ENOX2: variants seen among roughly 807,000 people sequenced by gnomAD.
ENOX2 encodes ecto-NOX disulfide-thiol exchanger 2.
In ENOX2, 36 loss-of-function variants were observed where a neutral mutation model predicts 45.0. That is an observed-to-expected ratio of 0.80 (90% CI 0.61 to 1.06). ENOX2 has a LOEUF of 1.06. Among genes scored for constraint, ENOX2 ranks in the 50% least tolerant of loss-of-function variants. The probability of loss-of-function intolerance (pLI) is 0.00; values close to 1 mark genes in which losing one functional copy is unlikely to be tolerated. For synonymous variants in ENOX2, 174 were observed against 152.3 expected, an observed-to-expected ratio of 1.14 and a Z score of -1.05; for missense variants, 423 against 462.5, an observed-to-expected ratio of 0.91 and a Z score of 0.78.
At chrX:130,791,577 A>C (rs1324418319) in intron 2 of ENOX2, among the ~76,000 whole-genome samples, 2 of 112,001 alleles carry the variant, frequency 1.8e-5, no homozygotes, top group East Asian at 5.6e-4. Flanking sequence ...TTGACTTATG[A>C]TATTTTCAAT....
chrX:130,639,923 A>T (rs961745315), intron 10 of ENOX2, among the ~76,000 whole-genome samples: 2 of 112,090 alleles, frequency 1.8e-5, no homozygotes, highest in Non-Finnish European at 3.8e-5. Context: ...GCTATAACCA[A>T]ATACCACAAA....
chrX:130,696,887 G>T (rs894812049), intron 4 of ENOX2, among the ~76,000 whole-genome samples: 4 of 111,212 alleles, frequency 3.6e-5, no homozygotes, highest in Non-Finnish European at 5.7e-5. Flanking sequence ...TTGTCACAGG[G>T]GCAGCTCAAC....
chrX:130,826,372 C>T (rs1443047378), intron 2 of ENOX2, among the ~76,000 whole-genome samples: 1 of 111,484 alleles, frequency 9.0e-6, no homozygotes, highest in Admixed American at 9.6e-5. Flanking sequence ...ACATTATAGT[C>T]GTTCACCATA....
intron 2 of ENOX2, among the ~76,000 whole-genome samples, chrX:130,875,366 G>A (rs1342760245): frequency 1.8e-5 from 2 of 110,298 alleles, no homozygotes; most frequent in Non-Finnish European, 3.8e-5. Flanking sequence ...GAGCAAAGTT[G>A]GAGGACTCTC....
chrX:130,655,519 C>T (rs767714765), intron 10 of ENOX2, among the ~76,000 whole-genome samples: 5 of 112,138 alleles, frequency 4.5e-5, no homozygotes, highest in South Asian at 3.7e-4. Flanking sequence ...CACGTACACA[C>T]ACACAGCAGG....
chrX:130,894,055 G>A lies in ENOX2; in HGVS notation c.-183+7629C>T, dbSNP rs781296645. ...AATATTCATCTGAGTAACATGTGAA[G>A]GAGTGCAGGAAGTTATGTCCTGTGT... On this transcript the variant is annotated intron_variant, in intron 2 of 14. Transcript: ENST00000394363. 8.0e-5 allele frequency among the ~76,000 whole-genome samples: 9 copies of A among 112,302 alleles called. No individual in the cohort carries two copies. In the South Asian group the frequency reaches 2.6e-3, roughly 32 times the overall value.
At chrX:130,893,324 G>C (rs1237949964) in intron 2 of ENOX2, among the ~76,000 whole-genome samples, 1 of 111,876 alleles carries the variant, frequency 8.9e-6, no homozygotes, top group Admixed American at 9.5e-5. Flanking sequence ...AACAATGGTG[G>C]AAGGGTGGGG....
intron 2 of ENOX2, among the ~76,000 whole-genome samples, chrX:130,829,972 ATCT>A (rs1366710010): frequency 8.9e-6 from 1 of 111,946 alleles, no homozygotes; most frequent in Non-Finnish European, 1.9e-5. Context: ...ATTTAGTCCA[ATCT>A]TCTTATGTTC....
intron 8 of ENOX2, among the ~76,000 whole-genome samples, chrX:130,666,737 C>T (rs1411640993): frequency 1.8e-5 from 2 of 111,527 alleles, no homozygotes; most frequent in African/African-American, 6.5e-5. Flanking sequence ...GGAACAACTC[C>T]CCCTTAATCA....
Position 130,832,469 on chromosome X carries a change from A to C in ENOX2, c.-182-48779T>G, listed in dbSNP as rs368223522. On this transcript the variant is annotated intron_variant, in intron 2 of 14. Transcript: ENST00000394363. The stretch of plus-strand genomic sequence containing the variant: ...CACACACACACACACACACACACAC[A>C]CCCCACTTGGGAACTGACTTTTCTA... Among the ~76,000 whole-genome samples, 20 of 104,996 alleles carry C rather than the reference A, an allele frequency of 1.9e-4. No individual in the cohort carries two copies. In the South Asian group the frequency reaches 2.5e-3, roughly 13 times the overall value. 91.2% of individuals were successfully genotyped at this position (104,996 alleles called of 115,157 possible).
intron 2 of ENOX2, among the ~76,000 whole-genome samples, chrX:130,898,500 G>A (rs1156431680): frequency 3.6e-5 from 4 of 110,440 alleles, no homozygotes; most frequent in African/African-American, 1.3e-4. Context: ...GTGCGTGTGT[G>A]TGTGCGTGTG....
chrX:130,823,994 C>T (rs1402088091), intron 2 of ENOX2, among the ~76,000 whole-genome samples: 2 of 112,057 alleles, frequency 1.8e-5, no homozygotes, highest in African/African-American at 3.2e-5. Flanking sequence ...CATTATTTCT[C>T]ATGCCATAAA....
chrX:130,842,543 G>A (rs1270313282), intron 2 of ENOX2, among the ~76,000 whole-genome samples: 1 of 111,587 alleles, frequency 9.0e-6, no homozygotes, highest in Non-Finnish European at 1.9e-5. Context: ...CTTAATCAAT[G>A]CATTCTGAAT....
intron 2 of ENOX2, among the ~76,000 whole-genome samples, chrX:130,784,840 G>A (rs1357525561): frequency 3.7e-5 from 4 of 108,060 alleles, no homozygotes; most frequent in African/African-American, 1.3e-4. Flanking sequence ...CACCAGCCTC[G>A]GCCTCCCAAA....
chrX:130,858,846 A>G (rs2078359645), intron 2 of ENOX2, among the ~76,000 whole-genome samples: 1 of 112,328 alleles, frequency 8.9e-6, no homozygotes, highest in Non-Finnish European at 1.9e-5. Context: ...AAACAATTCA[A>G]AGTTGTAGAG....
chrX:130,729,751 T>C (rs1261253212), intron 3 of ENOX2, among the ~76,000 whole-genome samples: 1 of 112,710 alleles, frequency 8.9e-6, no homozygotes, highest in Non-Finnish European at 1.9e-5. Flanking sequence ...TCAGATGGCC[T>C]GCTCAATCAC....
intron 2 of ENOX2, among the ~76,000 whole-genome samples, chrX:130,883,799 TC>T (rs2078859325): frequency 9.0e-6 from 1 of 111,358 alleles, no homozygotes; most frequent in African/African-American, 3.3e-5. Flanking sequence ...CAACTTCAGC[TC>T]CCTGAACAAC....
At chrX:130,868,593 T>C (rs759438295) in intron 2 of ENOX2, among the ~76,000 whole-genome samples, 1 of 112,192 alleles carries the variant, frequency 8.9e-6, no homozygotes, top group East Asian at 2.8e-4. Flanking sequence ...TTATCTTTGG[T>C]CACTTCACTG....
At chrX:130,669,183 C>A (rs974776451) in intron 7 of ENOX2, among the ~76,000 whole-genome samples, 1 of 111,543 alleles carries the variant, frequency 9.0e-6, no homozygotes, top group African/African-American at 3.3e-5. Flanking sequence ...TTGGTGTTAC[C>A]AATAAGATCA....
Sources: gnomAD v4.1 joint callset for allele counts (sites outside exome capture counted in the v4.1 genomes callset) on GRCh38, gnomAD v4.1.1 for gene constraint, MANE v1.5 for transcripts, NCBI Gene and HGNC (gene_info 2026-07-23, HGNC 2026-07-21) for gene names.